The following CCDC77 variants were observed in gnomAD, a reference collection of about 807,000 sequenced individuals.
The protein encoded by CCDC77 is coiled-coil domain containing 77.
Under a neutral mutation model 66.8 loss-of-function variants are expected in CCDC77, and 56 were observed. The ratio of observed to expected loss-of-function variants is 0.84; its 90% CI spans 0.68 to 1.05. CCDC77 has a LOEUF of 1.05. Ranked by LOEUF, CCDC77 falls within the 50% of genes least tolerant of loss-of-function variation. The probability of loss-of-function intolerance (pLI) is 0.00; values close to 1 mark genes in which losing one functional copy is unlikely to be tolerated. For missense variants in CCDC77, 570 were observed against 576.8 expected, an observed-to-expected ratio of 0.99 and a Z score of 0.12; for synonymous variants, 196 against 195.2, an observed-to-expected ratio of 1.00 and a Z score of -0.03.
intron 3 of CCDC77, 45 bp from the exon 4 acceptor site, chr12:411,702 A>T: frequency 6.7e-7 from 1 of 1,486,792 alleles, no homozygotes; most frequent in East Asian, 2.3e-5. Context: ...TAACTCATAA[A>T]CTTTCGCAGA....
At chr12:408,064 G>GT (rs1945033448) in intron 2 of CCDC77, among the ~76,000 whole-genome samples, 2 of 152,078 alleles carry the variant, frequency 1.3e-5, no homozygotes, top group Admixed American at 1.3e-4. Context: ...TGGGATTACA[G>GT]GCATGAGCCA....
chr12:389,553 G>A (rs1265839733), intron 1 of CCDC77: 1 of 268,894 alleles, frequency 3.7e-6, no homozygotes, highest in Non-Finnish European at 7.4e-6. Context: ...AGCCGACGGG[G>A]CGAGGCGGGG....
intron 4 of CCDC77, among the ~76,000 whole-genome samples, chr12:413,407 T>C (rs1166306642): frequency 1.3e-5 from 2 of 149,382 alleles, no homozygotes; most frequent in African/African-American, 4.9e-5. Flanking sequence ...CAGCTAATTT[T>C]TTTGTATTTT....
chr12:390,263 C>T (rs1944732338), intron 1 of CCDC77: 1 of 152,148 alleles, frequency 6.6e-6, no homozygotes, highest in African/African-American at 2.4e-5. Flanking sequence ...GATTTCTCCT[C>T]TCAAATCCCT....
At chr12:411,709 CAG>C (rs773461093) in intron 3 of CCDC77, 36 bp from the exon 4 acceptor site, 2 of 1,522,910 alleles carry the variant, frequency 1.3e-6, no homozygotes, top group South Asian at 2.3e-5. Flanking sequence ...TAAACTTTCG[CAG>C]AGTGTGATGA....
At chr12:438,607 G>T (rs2137621505) in intron 10 of CCDC77, 53 bp downstream of exon 10, 2 of 1,342,496 alleles carry the variant, frequency 1.5e-6, no homozygotes, top group East Asian at 4.6e-5. Context: ...AGAGTTGAAG[G>T]AATTCCAAAG....
intron 5 of CCDC77, among the ~76,000 whole-genome samples, chr12:425,558 T>C (rs867912650): frequency 3.4e-4 from 52 of 152,084 alleles, no homozygotes; most frequent in African/African-American, 1.1e-3. Flanking sequence ...ATGCGGAGTA[T>C]GTTGTCTCCA....
intron 5 of CCDC77, among the ~76,000 whole-genome samples, chr12:422,426 T>C (rs1487735297): frequency 1.3e-5 from 2 of 152,212 alleles, no homozygotes; most frequent in East Asian, 3.8e-4. Flanking sequence ...CAACAGTAAC[T>C]CCCACATCCC....
At chr12:406,396 A>C (rs1944991359) in intron 2 of CCDC77, among the ~76,000 whole-genome samples, 1 of 152,226 alleles carries the variant, frequency 6.6e-6, no homozygotes, top group Non-Finnish European at 1.5e-5. Flanking sequence ...ACTCTGAAGT[A>C]GAAGTGTGCC....
chr12:439,089 A>T (rs547414232), intron 10 of CCDC77, among the ~76,000 whole-genome samples: 1 of 152,268 alleles, frequency 6.6e-6, no homozygotes, highest in Admixed American at 6.5e-5. Context: ...AAACAAACAC[A>T]AAAAAACATA....
At chr12:417,132 C>CAA (rs35593098) in intron 4 of CCDC77, among the ~76,000 whole-genome samples, 5,349 of 128,178 alleles carry the variant, frequency 0.042, 194 homozygotes, top group East Asian at 0.11. Context: ...GGCTCTGTCT[C>CAA]AAAAAAAAAA....
chr12:438,748 C>T lies in CCDC77; in HGVS notation c.1041+194C>T. On this transcript the variant is annotated intron_variant, in intron 10 of 12. Coordinates refer to ENST00000239830, the MANE Select transcript of CCDC77 (RefSeq NM_032358.4). ...ATTCAAAATATTAGACTTGTTGATT[C>T]ATTCATTCATTCATTCAACAAATAT... is the stretch of plus-strand genomic sequence containing the variant. The T allele has an allele frequency of 8.2e-6, 4 of 485,878 alleles. No individual in the cohort carries two copies. The South Asian group carries it at 9.6e-5, about 12-fold the overall frequency. The allele number at this position is 485,878 out of a possible 1,614,324, so 30.1% of individuals were successfully genotyped here. A position where few individuals can be genotyped will look rare whatever the true frequency, so the allele number is the denominator to read the frequency against.
In CCDC77 at chr12:411,706, T is replaced by A. The variant is rs191611852; in HGVS notation, c.39-41T>A. The A allele has an allele frequency of 5.9e-5, 89 of 1,510,380 alleles. No homozygotes were observed. The Admixed American group carries it at 1.6e-3, about 27-fold the overall frequency. The allele number at this position is 1,510,380 out of a possible 1,614,324, so 93.6% of individuals were successfully genotyped here. ...TTAGGAAGTTATAACTCATAAACTT[T>A]CGCAGAGTGTGATGAATATATCATT... On this transcript the variant is annotated intron_variant, in intron 3 of 12. Coordinates refer to ENST00000239830, the MANE Select transcript of CCDC77 (RefSeq NM_032358.4).
chr12:401,691 A>G lies in CCDC77; in HGVS notation c.-71+7A>G, dbSNP rs893031728. 1.3e-5 allele frequency: 2 copies of G among 152,294 alleles called. No homozygotes were observed. Among genetic ancestry groups the G allele is most frequent in the Admixed American group, 1.3e-4 (2 of 15,282 alleles). The allele number at this position is 152,294 out of a possible 1,614,324, so 9.4% of individuals were successfully genotyped here. On this transcript the variant is annotated splice_region_variant and intron_variant, in intron 1 of 12. Coordinates refer to ENST00000239830, the MANE Select transcript of CCDC77 (RefSeq NM_032358.4). ...CTCGGAGTCTTAGTGTGTCGTGAGT[A>G]TAGAGTTTCGGGTTTGGGGTGAAGG... is the stretch of plus-strand genomic sequence containing the variant.
chr12:393,287 A>T (rs1027846294), intron 1 of CCDC77, among the ~76,000 whole-genome samples: 6 of 151,510 alleles, frequency 4.0e-5, no homozygotes, highest in East Asian at 2.0e-4. Flanking sequence ...ATTAAAAAAA[A>T]TTTTTTTGTA....
chr12:415,419 A>G (rs1350298728), intron 4 of CCDC77, among the ~76,000 whole-genome samples: 2 of 145,136 alleles, frequency 1.4e-5, no homozygotes, highest in Admixed American at 7.2e-5. Context: ...TGTTGATATT[A>G]TTAACATAAT....
intron 4 of CCDC77, among the ~76,000 whole-genome samples, chr12:416,337 GTGTGGGGGTGTGTGTGTGTGT>G (rs1945261291): frequency 8.9e-5 from 4 of 45,190 alleles, no homozygotes; most frequent in African/African-American, 3.1e-4. Flanking sequence ...GTCTGTGGGT[GTGTGGGGGTGTGTGTGTGTGT>G]GTGTGTGTGT....
intron 4 of CCDC77, among the ~76,000 whole-genome samples, chr12:417,269 T>G (rs902058859): frequency 6.6e-6 from 1 of 152,214 alleles, no homozygotes; most frequent in Non-Finnish European, 1.5e-5. Flanking sequence ...GTGATGAGAT[T>G]GTCTTCCTTT....
chr12:415,303 ATAATAT>A (rs1423917666), intron 4 of CCDC77, among the ~76,000 whole-genome samples: 3 of 110,386 alleles, frequency 2.7e-5, no homozygotes, highest in Non-Finnish European at 5.1e-5. Flanking sequence ...TATAATCAAC[ATAATAT>A]TATGTTAATA....
Sources: gnomAD v4.1 joint callset for allele counts (sites outside exome capture counted in the v4.1 genomes callset) on GRCh38, gnomAD v4.1.1 for gene constraint, MANE v1.5 for transcripts, NCBI Gene and HGNC (gene_info 2026-07-23, HGNC 2026-07-21) for gene names.